KLRD1: variants seen among roughly 807,000 people sequenced by gnomAD.
KLRD1 encodes the protein natural killer cells antigen CD94.
A neutral mutation model predicts 22.6 loss-of-function variants in KLRD1; 21 were observed. That is an observed-to-expected ratio of 0.93 (90% CI 0.66 to 1.34). KLRD1 has a LOEUF of 1.34. Among genes scored for constraint, KLRD1 ranks in the 40% most tolerant of loss-of-function variants. The pLI is 0.00. For synonymous variants in KLRD1, 59 were observed against 71.1 expected (o/e 0.83, Z 0.85); for missense variants, 183 against 208.6 (o/e 0.88, Z 0.76).
At chr12:10,266,998 A>G (rs2137638553) in intron 1 of KLRD1, among the ~76,000 whole-genome samples, 1 of 151,288 alleles carries the variant, frequency 6.6e-6, no homozygotes, top group South Asian at 2.1e-4. Context: ...TTTGTTACAT[A>G]TGTATACATG....
intron 1 of KLRD1, among the ~76,000 whole-genome samples, chr12:10,264,116 T>G (rs1334912566): frequency 6.6e-6 from 1 of 152,160 alleles, no homozygotes. Flanking sequence ...TATTCTTGTT[T>G]ATTTAGCATT....
Position 10,316,381 on chromosome 12 carries a change from C to G in KLRD1, c.*1588C>G, listed in dbSNP as rs776764943. ...TACAACTGCTACTTCATAGTTTATGCCACTTATTTTATTTTTTACTTTTAT... is the reference window on the plus strand; with the variant it reads ...TACAACTGCTACTTCATAGTTTATGGCACTTATTTTATTTTTTACTTTTAT... On this transcript the variant is annotated 3_prime_UTR_variant, in exon 6 of 6. Transcript: ENST00000336164. 1 of 151,874 alleles carries G rather than the reference C, an allele frequency of 6.6e-6. No individual in the cohort carries two copies. The highest frequency in any genetic ancestry group is 1.5e-5 in the Non-Finnish European group (1 of 68,002). The allele number at this position is 151,874 out of a possible 1,614,324, so 9.4% of individuals were successfully genotyped here.
At chr12:10,253,752 C>A (rs776755298) in intron 1 of KLRD1, among the ~76,000 whole-genome samples, 136 of 152,238 alleles carry the variant, frequency 8.9e-4, no homozygotes, top group Middle Eastern at 3.4e-3. Flanking sequence ...GGATTTCATT[C>A]TTTTTTCATG....
In KLRD1 at chr12:10,315,705, A is replaced by C. The variant is rs553340623; in HGVS notation, c.*912A>C. On this transcript the variant is annotated 3_prime_UTR_variant, in exon 6 of 6. Transcript: ENST00000336164. The stretch of plus-strand genomic sequence containing the variant: ...TATCCTATACCCCTGACCTCCTTTC[A>C]TTAGGCATTATCTTCTGTTTTGATT... The C allele has an allele frequency of 3.9e-5, 6 of 152,224 alleles. No homozygotes were observed. The highest frequency in any genetic ancestry group is 2.0e-4 in the Admixed American group (3 of 15,286). 9.4% of individuals were successfully genotyped at this position (152,224 alleles called of 1,614,324 possible).
rs1950271107 is a variant in KLRD1, at chr12:10,318,197, G to C, written c.*3404G>C. ...CTTTGCTTATTTCCAGAGATGCCTA[G>C]GTGTCTGTTTTTGACTCTTGGCCAT... is the stretch of plus-strand genomic sequence containing the variant. On this transcript the variant is annotated 3_prime_UTR_variant, in exon 6 of 6. Transcript: ENST00000336164. 1 of 152,182 alleles carries C rather than the reference G, an allele frequency of 6.6e-6. No individual in the cohort carries two copies. Among genetic ancestry groups the C allele is most frequent in the Non-Finnish European group, 1.5e-5 (1 of 68,042 alleles). The allele number at this position is 152,182 out of a possible 1,614,324, so 9.4% of individuals were successfully genotyped here.
At chr12:10,252,358 G>C (rs892924690) in intron 1 of KLRD1, among the ~76,000 whole-genome samples, 1 of 152,034 alleles carries the variant, frequency 6.6e-6, no homozygotes, top group Admixed American at 6.5e-5. Context: ...ACAAAACTTA[G>C]CTGGGCGTGG....
At position 10,327,720 on chromosome 12, in the gene KLRD1, G is replaced by A. The variant is rs557463272; in HGVS notation, c.*12927G>A. 1 of 152,240 alleles carries A rather than the reference G, an allele frequency of 6.6e-6. No homozygotes were observed. The highest frequency in any genetic ancestry group is 1.9e-4 in the East Asian group (1 of 5,190). The allele number at this position is 152,240 out of a possible 1,614,324, so 9.4% of individuals were successfully genotyped here. The stretch of plus-strand genomic sequence containing the variant: ...GACAAGGGTTAAATAGAAATGGCAA[G>A]TGCAAACATCCTTGCCATGTTTCTG... On this transcript the variant is annotated 3_prime_UTR_variant, in exon 6 of 6. Transcript: ENST00000336164.
rs1483535690 is a variant in KLRD1 at position 10,318,928 on chromosome 12, TGTTA to T, written c.*4139_*4142del. ...CATTTCAGTTATCTACACCTGGAAA[TGTTA>T]GTTCTATAATTTTGGACTTTCTGAA... is the stretch of plus-strand genomic sequence containing the variant. On this transcript the variant is annotated 3_prime_UTR_variant, in exon 6 of 6. Transcript: ENST00000336164. The T allele has an allele frequency of 6.6e-6, 1 of 151,150 alleles. No individual in the cohort carries two copies. Among genetic ancestry groups the T allele is most frequent in the Non-Finnish European group, 1.5e-5 (1 of 67,970 alleles). The allele number at this position is 151,150 out of a possible 1,614,324, so 9.4% of individuals were successfully genotyped here. A position where few individuals can be genotyped will look rare whatever the true frequency, so the allele number is the denominator to read the frequency against.
chr12:10,286,903 C>CG (rs1472196470), intron 1 of KLRD1, among the ~76,000 whole-genome samples: 25 of 151,786 alleles, frequency 1.6e-4, no homozygotes, highest in Admixed American at 1.6e-3. Context: ...CTCTGGGAGG[C>CG]GAGGCAGGGG....
chr12:10,293,157 C>CATATTAGCAATAAGGCTGGTATATAT lies in KLRD1; in HGVS notation c.-100-14817_-100-14816insTAGCAATAAGGCTGGTATATATATAT. Among the ~76,000 whole-genome samples the CATATTAGCAATAAGGCTGGTATATAT allele has an allele frequency of 6.2e-5, 2 of 32,438 alleles. 1 individual carries two copies. Among genetic ancestry groups the CATATTAGCAATAAGGCTGGTATATAT allele is most frequent in the Non-Finnish European group, 1.4e-4 (2 of 14,424 alleles). 21.3% of individuals were successfully genotyped at this position (32,438 alleles called of 152,430 possible). A position where few individuals can be genotyped will look rare whatever the true frequency, so the allele number is the denominator to read the frequency against. ...TGATACAGACCAGTAAAACTTTCTC[C>CATATTAGCAATAAGGCTGGTATATAT]ATATATATATACACATATACACATA... is the stretch of plus-strand genomic sequence containing the variant. On this transcript the variant is annotated intron_variant, in intron 1 of 5. Coordinates refer to the KLRD1 transcript ENST00000544747.
At chr12:10,300,578 G>C (rs534821753), upstream of KLRD1, among the ~76,000 whole-genome samples, 132 of 152,196 alleles carry the variant, frequency 8.7e-4, no homozygotes, top group African/African-American at 2.9e-3. Context: ...TAATTCTTAA[G>C]GCCCTAAAGT....
At position 10,319,010 on chromosome 12, in the gene KLRD1, T is replaced by C. The variant is rs114195530; in HGVS notation, c.*4217T>C. ...GGTTGAAAAACTTTTCTCAAAAAGC[T>C]CTATAGCATATATTTTCAACTTTGT... On this transcript the variant is annotated 3_prime_UTR_variant, in exon 6 of 6. Coordinates refer to ENST00000336164, the MANE Select transcript of KLRD1 (RefSeq NM_002262.5). 3.0e-3 allele frequency: 458 copies of C among 152,312 alleles called. 1 individual carries two copies. Among genetic ancestry groups the C allele is most frequent in the African/African-American group, 9.9e-3 (411 of 41,566 alleles). The allele number at this position is 152,312 out of a possible 1,614,324, so 9.4% of individuals were successfully genotyped here.
At chr12:10,280,143 CTG>C (rs1792859259) in intron 1 of KLRD1, among the ~76,000 whole-genome samples, 1 of 152,142 alleles carries the variant, frequency 6.6e-6, no homozygotes, top group South Asian at 2.1e-4. Context: ...GCTAGCAACA[CTG>C]TGGTTGGAAG....
Position 10,329,164 on chromosome 12 carries a change from T to G in KLRD1, c.*14371T>G, listed in dbSNP as rs1243666453. On this transcript the variant is annotated 3_prime_UTR_variant, in exon 6 of 6. Transcript: ENST00000336164. ...ATATTCATCACTATAAACTTTTCTT[T>G]TAGCCCTACTTTTACTACATCCCAT... The G allele has an allele frequency of 6.6e-6, 1 of 152,216 alleles. No individual in the cohort carries two copies. The highest frequency in any genetic ancestry group is 1.9e-4 in the East Asian group (1 of 5,206). The allele number at this position is 152,216 out of a possible 1,614,324, so 9.4% of individuals were successfully genotyped here.
In KLRD1 at chr12:10,323,755, A is replaced by G. The variant is rs1950332319; in HGVS notation, c.*8962A>G. On this transcript the variant is annotated 3_prime_UTR_variant, in exon 6 of 6. Transcript: ENST00000336164. Reference sequence around the variant, plus strand: ...TTTTATATAGATAGAATCATATAATATGTACATCTGTGTTCTAGATTTTTC... The same window carrying G: ...TTTTATATAGATAGAATCATATAATGTGTACATCTGTGTTCTAGATTTTTC... The G allele has an allele frequency of 6.6e-6, 1 of 151,488 alleles. No homozygotes were observed. The highest frequency in any genetic ancestry group is 1.5e-5 in the Non-Finnish European group (1 of 67,956). 9.4% of individuals were successfully genotyped at this position (151,488 alleles called of 1,614,324 possible).
In KLRD1 at chr12:10,323,863, C is replaced by CCTTTTT. The variant is rs1565479167; in HGVS notation, c.*9071_*9076dup. ...ATTCCCTTTTATTTCTTATTTCTTT[C>CCTTTTT]CTTTTTTTTTTTTTTTGAGACTGAG... On this transcript the variant is annotated 3_prime_UTR_variant, in exon 6 of 6. Transcript: ENST00000336164. 3 of 19,250 alleles carry CCTTTTT rather than the reference C, an allele frequency of 1.6e-4. No homozygotes were observed. The allele number at this position is 19,250 out of a possible 1,614,324, so 1.2% of individuals were successfully genotyped here. A position where few individuals can be genotyped will look rare whatever the true frequency, so the allele number is the denominator to read the frequency against.
intron 1 of KLRD1, among the ~76,000 whole-genome samples, chr12:10,282,620 A>T (rs1949656708): frequency 1.3e-5 from 2 of 152,266 alleles, no homozygotes; most frequent in Non-Finnish European, 1.5e-5. Context: ...ATGCCACTTT[A>T]TATTTTGGCT....
Position 10,313,472 on chromosome 12 carries a change from C to A in KLRD1, c.378C>A (p.Thr126=). The A allele has an allele frequency of 6.2e-7, 1 of 1,607,642 alleles. No individual in the cohort carries two copies. The highest frequency in any genetic ancestry group is 1.1e-5 in the South Asian group (1 of 90,076). The change falls in exon 5 of 6, where the codon ACC becomes ACA. Residue 126 remains threonine (T), a synonymous_variant. Transcript: ENST00000336164. ...GACTCTCTTACAGTGAGGAGCACAC[C>A]GCCTGGTTGTGGGAGAATGGCTCTG... ...WIGLSYSEEH[T]AWLWENGSAL...
chr12:10,257,641 CTG>C (rs1000694629), intron 1 of KLRD1, among the ~76,000 whole-genome samples: 1 of 100,562 alleles, frequency 9.9e-6, no homozygotes, highest in Non-Finnish European at 2.3e-5. Context: ...AGTTATTTTT[CTG>C]TTTTTTTCTT....
Sources: gnomAD v4.1 joint callset for allele counts (sites outside exome capture counted in the v4.1 genomes callset) on GRCh38, gnomAD v4.1.1 for gene constraint, MANE v1.5 for transcripts, NCBI Gene and HGNC (gene_info 2026-07-23, HGNC 2026-07-21) for gene names.